DPPA2: variants seen among roughly 807,000 people sequenced by gnomAD.
DPPA2 encodes the protein developmental pluripotency-associated protein 2.
DPPA2 carries 26 observed loss-of-function variants against 36.2 expected under a neutral mutation model. The observed-to-expected ratio is 0.72, with a 90% CI of 0.53 to 1.00. The LOEUF is 1.00. Ranked by LOEUF, DPPA2 falls within the 50% of genes least tolerant of loss-of-function variation. DPPA2 has a pLI of 0.00. For synonymous variants in DPPA2, 113 were observed against 123.2 expected (o/e 0.92, Z 0.55); for missense variants, 361 against 365.1 (o/e 0.99, Z 0.09).
intron 3 of DPPA2, among the ~76,000 whole-genome samples, chr3:109,311,130 A>G (rs1707702036): frequency 6.6e-6 from 1 of 152,170 alleles, no homozygotes; most frequent in Non-Finnish European, 1.5e-5. Context: ...TCTAAAATCC[A>G]CGTTTCTTTT....
chr3:109,315,068 GAAGGA>G (rs1707767274), intron 1 of DPPA2, among the ~76,000 whole-genome samples: 1 of 151,814 alleles, frequency 6.6e-6, no homozygotes, highest in South Asian at 2.1e-4. Flanking sequence ...ACAAGTGAAA[GAAGGA>G]AAGAAAGAAG....
rs1464846905 is a variant in DPPA2 at position 109,300,387 on chromosome 3, T to C, written c.*6A>G. The C allele has an allele frequency of 6.8e-6, 11 of 1,613,558 alleles. 1 individual carries two copies. The East Asian group carries it at 8.9e-5, about 13-fold the overall frequency. On this transcript the variant is annotated 3_prime_UTR_variant, in exon 8 of 9. Coordinates refer to ENST00000478945, the MANE Select transcript of DPPA2 (RefSeq NM_138815.4). Reference sequence around the variant, plus strand: ...ATCTCTTACATTGTATTCAAACAGGTTGCTGCTACTTCTCTACTGTCATTA... The same window carrying C: ...ATCTCTTACATTGTATTCAAACAGGCTGCTGCTACTTCTCTACTGTCATTA...
chr3:109,315,225 A>C (rs920902552), intron 1 of DPPA2, among the ~76,000 whole-genome samples: 1 of 152,224 alleles, frequency 6.6e-6, no homozygotes, highest in African/African-American at 2.4e-5. Flanking sequence ...GAATGGAAAA[A>C]AGATTCAGAG....
At chr3:109,295,266 T>C (rs1343314300) in intron 8 of DPPA2, 1 of 151,598 alleles carries the variant, frequency 6.6e-6, no homozygotes, top group East Asian at 2.0e-4. Context: ...ACACCTGTAA[T>C]CCCAGCACTT....
chr3:109,308,443 AC>A, intron 5 of DPPA2, 150 bp from the exon 6 acceptor site: 1 of 1,057,536 alleles, frequency 9.5e-7, no homozygotes, highest in Non-Finnish European at 1.3e-6. Flanking sequence ...GCTCACCGCA[AC>A]CTCCGCCTCC....
chr3:109,310,714 C>A (rs1242927601), intron 3 of DPPA2, among the ~76,000 whole-genome samples: 1 of 150,812 alleles, frequency 6.6e-6, no homozygotes, highest in African/African-American at 2.5e-5. Context: ...CTATGTTGGC[C>A]AGGCTGGTCT....
rs192363224 is a variant in DPPA2 at position 109,294,749 on chromosome 3, C to T, written c.*23-745G>A. 3.3e-3 allele frequency among the ~76,000 whole-genome samples: 508 copies of T among 152,242 alleles called. 6 individuals carry two copies. Among genetic ancestry groups the T allele is most frequent in the Non-Finnish European group, 2.1e-3 (140 of 68,022 alleles). ...GTAGAAAAACTGTTTATTAGCTGGG[C>T]GCGGCGGCTCATGCCTGTAATCTCA... On this transcript the variant is annotated intron_variant, in intron 8 of 8. Transcript: ENST00000478945.
chr3:109,299,451 A>C (rs1707418604), intron 8 of DPPA2, among the ~76,000 whole-genome samples: 1 of 152,010 alleles, frequency 6.6e-6, no homozygotes, highest in South Asian at 2.1e-4. Flanking sequence ...TGGGAGGCGG[A>C]GGTTGCAGTG....
Position 109,308,026 on chromosome 3 carries a change from T to C in DPPA2, c.658+6A>G. 6.2e-7 allele frequency: 1 copy of C among 1,613,170 alleles called. No homozygotes were observed. Among genetic ancestry groups the C allele is most frequent in the East Asian group, 2.2e-5 (1 of 44,852 alleles). On this transcript the variant is annotated splice_donor_region_variant and intron_variant, in intron 6 of 8. Coordinates refer to ENST00000478945, the MANE Select transcript of DPPA2 (RefSeq NM_138815.4). ...AGTGGGACTCACACTTTAAGGTTGA[T>C]CTTACCAGAGGCTTGCATCAAAAAG...
intron 8 of DPPA2, among the ~76,000 whole-genome samples, chr3:109,295,825 C>T (rs958094941): frequency 6.6e-6 from 1 of 151,844 alleles, no homozygotes; most frequent in Non-Finnish European, 1.5e-5. Context: ...AGATACAAAA[C>T]AGATGAGTAA....
Position 109,308,142 on chromosome 3 carries a change from C to T in DPPA2, c.548G>A (p.Gly183Glu), listed in dbSNP as rs769687781. 3.7e-6 allele frequency: 6 copies of T among 1,614,030 alleles called. No individual in the cohort carries two copies. In the Admixed American group the frequency reaches 1.0e-4, roughly 27 times the overall value. Residue 183 changes from glycine (G) to glutamate (E), a missense_variant, in exon 6 of 9, where the codon GGA (glycine) becomes GAA (glutamate). By Grantham distance (98) the Gly-to-Glu change is moderately conservative. Transcript: ENST00000478945. ...NTVEVITSAP[G>E]AMLASWARIA... The stretch of plus-strand genomic sequence containing the variant: ...TCTTGCCCATGATGCCAACATGGCT[C>T]CCGGTGCTGAAGTTATCACTTCAAC...
chr3:109,301,225 C>T (rs1707452151), intron 7 of DPPA2, among the ~76,000 whole-genome samples: 1 of 151,988 alleles, frequency 6.6e-6, no homozygotes, highest in Non-Finnish European at 1.5e-5. Context: ...GTCATCTGCC[C>T]ACCTTGGCCT....
chr3:109,309,319 G>C lies in DPPA2; in HGVS notation c.193C>G (p.Gln65Glu). 1 of 1,613,996 alleles carries C rather than the reference G, an allele frequency of 6.2e-7. No homozygotes were observed. The highest frequency in any genetic ancestry group is 8.5e-7 in the Non-Finnish European group (1 of 1,179,928). Residue 65 changes from glutamine to glutamate, a missense_variant, in exon 4 of 9, where the codon CAA (glutamine) becomes GAA (glutamate). Physicochemically the swap from Gln to Glu is conservative, Grantham distance 29. Transcript: ENST00000478945. The stretch of plus-strand genomic sequence containing the variant: ...GGAGCTGTAAATTGCTCATTTGTTT[G>C]AAGTAGATGACCTAAGACAAGAATG... Reference protein sequence around the residue: ...PKKYNPGHLLQTNEQFTAPQK... With the variant: ...PKKYNPGHLLETNEQFTAPQK...
At chr3:109,294,325 C>G (rs1270416036) in intron 8 of DPPA2, among the ~76,000 whole-genome samples, 1 of 152,190 alleles carries the variant, frequency 6.6e-6, no homozygotes, top group Non-Finnish European at 1.5e-5. Flanking sequence ...ATTAATGATA[C>G]TTTCAGAAGG....
At chr3:109,297,819 A>G (rs1001829480) in intron 8 of DPPA2, among the ~76,000 whole-genome samples, 2 of 152,136 alleles carry the variant, frequency 1.3e-5, no homozygotes, top group African/African-American at 2.4e-5. Context: ...TGGCAAAGCT[A>G]TGATAGGCCA....
chr3:109,299,380 C>T (rs1707417167), intron 8 of DPPA2, among the ~76,000 whole-genome samples: 1 of 151,706 alleles, frequency 6.6e-6, no homozygotes, highest in African/African-American at 2.4e-5. Context: ...TGTGGTGGCA[C>T]ATGCCTGTAA....
At chr3:109,295,688 C>A (rs187202090) in intron 8 of DPPA2, among the ~76,000 whole-genome samples, 6 of 151,414 alleles carry the variant, frequency 4.0e-5, no homozygotes, top group African/African-American at 1.5e-4. Context: ...AGACAAAAAG[C>A]ATGATTTGTA....
chr3:109,308,705 T>C (rs1200367839), intron 5 of DPPA2, among the ~76,000 whole-genome samples: 1 of 152,144 alleles, frequency 6.6e-6, no homozygotes, highest in Non-Finnish European at 1.5e-5. Context: ...TATGTCAATG[T>C]GGGAAGGGTT....
rs1707728679 is a variant in DPPA2 at position 109,312,528 on chromosome 3, A to C, written c.181+17T>G. The C allele has an allele frequency of 6.2e-7, 1 of 1,601,900 alleles. No individual in the cohort carries two copies. The highest frequency in any genetic ancestry group is 8.5e-7 in the Non-Finnish European group (1 of 1,171,638). On this transcript the variant is annotated intron_variant, in intron 3 of 8. Transcript: ENST00000478945. Reference sequence around the variant, plus strand: ...GAGTTGTAGGAGTAACTAACTGAGCAATCCCTGTCCTCATACCTGGATTGT... The same window carrying C: ...GAGTTGTAGGAGTAACTAACTGAGCCATCCCTGTCCTCATACCTGGATTGT...
Sources: allele counts gnomAD v4.1 joint callset (sites outside exome capture counted in the v4.1 genomes callset), GRCh38; gene constraint gnomAD v4.1.1; transcripts MANE v1.5; gene names NCBI Gene and HGNC (gene_info 2026-07-23, HGNC 2026-07-21).